CDH13: variants seen among roughly 807,000 people sequenced by gnomAD.
The protein encoded by CDH13 is cadherin 13, also known as cadherin-13.
Under a neutral mutation model 63.8 loss-of-function variants are expected in CDH13, and 24 were observed. The observed-to-expected ratio is 0.38, with a 90% CI of 0.27 to 0.53. The LOEUF (loss-of-function observed/expected upper bound fraction) is 0.53. Ranked by LOEUF, CDH13 falls within the 20% of genes least tolerant of loss-of-function variation. The pLI is 0.85. For synonymous variants in CDH13, 503 were observed against 355.3 expected (o/e 1.42, Z -4.67); for missense variants, 1,049 against 903.1 (o/e 1.16, Z -2.07).
chr16:82,749,276 C>T, intron 1 of CDH13, among the ~76,000 whole-genome samples: 1 of 152,114 alleles, frequency 6.6e-6, no homozygotes, highest in Admixed American at 6.6e-5. Context: ...CTTGAGCTTC[C>T]CCATTACATG....
chr16:82,698,106 GC>G (rs1182276550), intron 1 of CDH13, among the ~76,000 whole-genome samples: 4 of 152,164 alleles, frequency 2.6e-5, no homozygotes, highest in Non-Finnish European at 5.9e-5. Flanking sequence ...ACTTGGACAG[GC>G]AGGTTCTAAC....
rs544433838 is a variant in CDH13, at chr16:82,900,406, G to C, written c.157+41933G>C. Among the ~76,000 whole-genome samples the C allele has an allele frequency of 1.7e-4, 23 of 138,224 alleles. 1 individual carries two copies. The highest frequency in any genetic ancestry group is 1.5e-3 in the Admixed American group (19 of 13,056). The allele number at this position is 138,224 out of a possible 152,430, so 90.7% of individuals were successfully genotyped here. A position where few individuals can be genotyped will look rare whatever the true frequency, so the allele number is the denominator to read the frequency against. ...GTGACTTGATAAGGCCACAAGCCAA[G>C]TGTGGCCTGGTTCAAGAAGTACAGG... is the stretch of plus-strand genomic sequence containing the variant. On this transcript the variant is annotated intron_variant, in intron 2 of 13. Transcript: ENST00000567109.
chr16:83,734,755 A>ATAATAATAAT (rs1567560505), intron 10 of CDH13, among the ~76,000 whole-genome samples: 12 of 149,812 alleles, frequency 8.0e-5, no homozygotes, highest in South Asian at 2.1e-4. Context: ...AATAATAATA[A>ATAATAATAAT]AAACAGGGAT....
At chr16:83,553,627 G>A (rs1329745195) in intron 7 of CDH13, among the ~76,000 whole-genome samples, 1 of 152,174 alleles carries the variant, frequency 6.6e-6, no homozygotes, top group African/African-American at 2.4e-5. Context: ...CACGGTCTTG[G>A]CTCACTGCAA....
chr16:82,877,999 C>G (rs140799246), intron 2 of CDH13, among the ~76,000 whole-genome samples: 49 of 151,472 alleles, frequency 3.2e-4, no homozygotes, highest in Admixed American at 1.4e-3. Flanking sequence ...TATATATATT[C>G]TCATTCTGCT....
At chr16:83,101,042 A>G (rs2034450458) in intron 3 of CDH13, among the ~76,000 whole-genome samples, 1 of 152,122 alleles carries the variant, frequency 6.6e-6, no homozygotes, top group Non-Finnish European at 1.5e-5. Context: ...GACAAAAATT[A>G]TTTGTCAAAT....
At chr16:82,711,642 C>T (rs1052266626) in intron 1 of CDH13, among the ~76,000 whole-genome samples, 6 of 152,178 alleles carry the variant, frequency 3.9e-5, no homozygotes, top group African/African-American at 1.4e-4. Context: ...TTGGGCTCCC[C>T]CACCTTGTCC....
At chr16:82,866,930 G>A (rs1379439284) in intron 2 of CDH13, among the ~76,000 whole-genome samples, 2 of 152,180 alleles carry the variant, frequency 1.3e-5, no homozygotes, top group African/African-American at 2.4e-5. Flanking sequence ...GGGATTATGG[G>A]TATGACAGTT....
intron 5 of CDH13, among the ~76,000 whole-genome samples, chr16:83,320,278 T>C (rs1453089673): frequency 1.3e-5 from 2 of 152,032 alleles, no homozygotes; most frequent in African/African-American, 4.8e-5. Flanking sequence ...ACTGCTGGAC[T>C]CAAGTGATCC....
chr16:82,852,786 A>C (rs571937686), intron 1 of CDH13, among the ~76,000 whole-genome samples: 1 of 152,332 alleles, frequency 6.6e-6, no homozygotes, highest in East Asian at 1.9e-4. Context: ...GGGGCACTCT[A>C]CATAACATGA....
intron 1 of CDH13, among the ~76,000 whole-genome samples, chr16:82,658,065 T>G (rs370487294): frequency 3.2e-4 from 49 of 152,358 alleles, no homozygotes; most frequent in African/African-American, 1.2e-3. Context: ...AGTTGTTCTT[T>G]ATTAAGTTGA....
At chr16:83,136,614 G>T (rs974623985) in intron 4 of CDH13, among the ~76,000 whole-genome samples, 4 of 152,166 alleles carry the variant, frequency 2.6e-5, no homozygotes, top group African/African-American at 4.8e-5. Context: ...TCTGCCAGGG[G>T]AGAAACTGGG....
At chr16:83,517,580 C>G (rs147118646) in intron 7 of CDH13, among the ~76,000 whole-genome samples, 1,562 of 152,290 alleles carry the variant, frequency 0.01, 16 homozygotes, top group Middle Eastern at 0.048. Context: ...AGTCATGTGG[C>G]CCCACCTACC....
chr16:83,115,852 C>T (rs1175521311), intron 3 of CDH13, among the ~76,000 whole-genome samples: 1 of 152,174 alleles, frequency 6.6e-6, no homozygotes. Flanking sequence ...TTCTATTATG[C>T]AAAGCCAGGG....
chr16:82,969,471 G>A lies in CDH13; in HGVS notation c.158-62539G>A, dbSNP rs568194748. ...CCCTCATTTTCTCTGGCTATTTTCT[G>A]CATATTCTTTTTTTTTTTTTTTTTT... On this transcript the variant is annotated intron_variant, in intron 2 of 13. Transcript: ENST00000567109. 2.9e-3 allele frequency among the ~76,000 whole-genome samples: 360 copies of A among 122,510 alleles called. 2 individuals are homozygous for A. The highest frequency in any genetic ancestry group is 9.5e-3 in the African/African-American group (333 of 35,110). The allele number at this position is 122,510 out of a possible 152,430, so 80.4% of individuals were successfully genotyped here. A position where few individuals can be genotyped will look rare whatever the true frequency, so the allele number is the denominator to read the frequency against.
At chr16:83,746,473 C>G (rs1255632963) in intron 10 of CDH13, among the ~76,000 whole-genome samples, 5 of 152,310 alleles carry the variant, frequency 3.3e-5, no homozygotes, top group Admixed American at 2.6e-4. Context: ...TCTGCAAAGT[C>G]TTTGCTCTAT....
intron 5 of CDH13, among the ~76,000 whole-genome samples, chr16:83,330,154 G>T (rs1358228122): frequency 6.6e-6 from 1 of 152,084 alleles, no homozygotes; most frequent in Non-Finnish European, 1.5e-5. Context: ...ACAAGAACCT[G>T]CACATGTAAT....
chr16:83,321,118 C>T (rs949107675), intron 5 of CDH13, among the ~76,000 whole-genome samples: 1 of 152,192 alleles, frequency 6.6e-6, no homozygotes, highest in Non-Finnish European at 1.5e-5. Context: ...TTAAGGGGGC[C>T]TTCCTGATGT....
intron 7 of CDH13, among the ~76,000 whole-genome samples, chr16:83,583,283 C>A (rs1276454556): frequency 6.6e-6 from 1 of 152,078 alleles, no homozygotes; most frequent in Non-Finnish European, 1.5e-5. Context: ...CCCATTTTTC[C>A]AAATAAGATC....
Sources: gnomAD v4.1 joint callset for allele counts (sites outside exome capture counted in the v4.1 genomes callset) on GRCh38, gnomAD v4.1.1 for gene constraint, MANE v1.5 for transcripts, NCBI Gene and HGNC (gene_info 2026-07-23, HGNC 2026-07-21) for gene names.